RBM34: variants seen among roughly 807,000 people sequenced by gnomAD.
RBM34 encodes the protein RNA binding motif protein 34.
A neutral mutation model predicts 44.6 loss-of-function variants in RBM34; 39 were observed. The ratio of observed to expected loss-of-function variants is 0.87; its 90% confidence interval spans 0.68 to 1.14. RBM34 has a LOEUF of 1.14. Ranked by LOEUF, RBM34 falls within the 50% of genes most tolerant of loss-of-function variation. RBM34 has a pLI of 0.00. For missense variants in RBM34, 572 were observed against 517.9 expected (o/e 1.10, Z -1.01); for synonymous variants, 194 against 184.0 (o/e 1.05, Z -0.44).
At chr1:235,145,966 G>GTTTTTT (rs34111332) in intron 6 of RBM34, among the ~76,000 whole-genome samples, 4 of 77,200 alleles carry the variant, frequency 5.2e-5, no homozygotes, top group Non-Finnish European at 9.2e-5. Flanking sequence ...ATTACAGCAG[G>GTTTTTT]TTTTTTTTTT....
At chr1:235,157,754 G>A (rs1662511776) in intron 3 of RBM34, among the ~76,000 whole-genome samples, 1 of 152,208 alleles carries the variant, frequency 6.6e-6, no homozygotes, top group Admixed American at 6.5e-5. Context: ...TTCTCTCAGA[G>A]AATCCGGTAG....
chr1:235,150,987 G>A (rs914115623), intron 5 of RBM34, among the ~76,000 whole-genome samples: 64 of 152,272 alleles, frequency 4.2e-4, no homozygotes, highest in African/African-American at 1.5e-3. Flanking sequence ...AGGGAAAGAG[G>A]TAAGGGTTCC....
Position 235,155,142 on chromosome 1 carries a change from TA to T in RBM34, c.366-31del, listed in dbSNP as rs746262596. ...TTAAGGCAAAAAATAAAATAAGCAG[TA>T]AGAGTCATGCCAGTTAGGTCTAGTA... On this transcript the variant is annotated intron_variant, in intron 3 of 10. Transcript: ENST00000408888. 7.6e-6 allele frequency: 12 copies of T among 1,571,392 alleles called. No individual in the cohort carries two copies. The Admixed American group carries it at 2.1e-4, about 27-fold the overall frequency.
At chr1:235,155,864 T>TATATATATAC (rs1553275378) in intron 3 of RBM34, among the ~76,000 whole-genome samples, 6 of 81,116 alleles carry the variant, frequency 7.4e-5, no homozygotes, top group Non-Finnish European at 1.0e-4. Flanking sequence ...TATATATATA[T>TATATATATAC]ATACATATAT....
chr1:235,152,480 G>A (rs1662207374), intron 5 of RBM34: 3 of 1,251,732 alleles, frequency 2.4e-6, no homozygotes, highest in African/African-American at 3.1e-5. Flanking sequence ...TACATTGCAG[G>A]CTTTCATAGC....
intron 3 of RBM34, among the ~76,000 whole-genome samples, chr1:235,159,523 T>C (rs112497263): frequency 0.21 from 30,309 of 142,148 alleles, 4,058 homozygotes; most frequent in African/African-American, 0.39. Context: ...ACTCCAGCCT[T>C]GGCGACAGAG....
chr1:235,142,727 A>C (rs890173740), intron 6 of RBM34, among the ~76,000 whole-genome samples: 93 of 150,832 alleles, frequency 6.2e-4, no homozygotes, highest in African/African-American at 2.2e-3. Flanking sequence ...CAGGAGTTCG[A>C]AACCAGCCTG....
intron 5 of RBM34, among the ~76,000 whole-genome samples, chr1:235,152,308 G>C (rs965918355): frequency 6.6e-6 from 1 of 152,126 alleles, no homozygotes; most frequent in Non-Finnish European, 1.5e-5. Context: ...TCTGTGCTCA[G>C]AGAACAAAGA....
intron 7 of RBM34, 61 bp from the exon 8 acceptor site, chr1:235,138,001 T>A: frequency 1.9e-6 from 3 of 1,539,776 alleles, no homozygotes; most frequent in Non-Finnish European, 2.7e-6. Flanking sequence ...TACTAAAACA[T>A]CTATGCTAAA....
chr1:235,154,669 T>C (rs542117719), intron 4 of RBM34, among the ~76,000 whole-genome samples: 110 of 152,314 alleles, frequency 7.2e-4, no homozygotes, highest in African/African-American at 2.6e-3. Flanking sequence ...AGGAGGTCAC[T>C]GCAATATTCA....
At chr1:235,156,716 C>A in intron 3 of RBM34, 1 of 423,580 alleles carries the variant, frequency 2.4e-6, no homozygotes. Flanking sequence ...AAGAGAAGAG[C>A]TAATAAGAAT....
Position 235,160,883 on chromosome 1 carries a change from A to G in RBM34, c.228+10T>C. 1 of 1,613,074 alleles carries G rather than the reference A, an allele frequency of 6.2e-7. No individual in the cohort carries two copies. The highest frequency in any genetic ancestry group is 8.5e-7 in the Non-Finnish European group (1 of 1,179,406). On this transcript the variant is annotated intron_variant, in intron 2 of 10. Coordinates refer to ENST00000408888, the MANE Select transcript of RBM34 (RefSeq NM_015014.4). ...AACGAGCTATTCGGGAAGAAAGCCCAGTGACTTACTTTAGGCACAGGCACG... is the reference window on the plus strand; with the variant it reads ...AACGAGCTATTCGGGAAGAAAGCCCGGTGACTTACTTTAGGCACAGGCACG...
At position 235,158,243 on chromosome 1, in the gene RBM34, C is replaced by A. The variant is rs569725676; in HGVS notation, c.365+2268G>T. Among the ~76,000 whole-genome samples, 30 of 151,860 alleles carry A rather than the reference C, an allele frequency of 2.0e-4. No individual in the cohort carries two copies. The East Asian group carries it at 5.6e-3, about 28-fold the overall frequency. On this transcript the variant is annotated intron_variant, in intron 3 of 10. Coordinates refer to ENST00000408888, the MANE Select transcript of RBM34 (RefSeq NM_015014.4). ...CAGCCTGGCCAACATGGTGAAACCCCATCTCTACCAAAAAAATACAAAAAT... is the reference window on the plus strand; with the variant it reads ...CAGCCTGGCCAACATGGTGAAACCCAATCTCTACCAAAAAAATACAAAAAT...
intron 5 of RBM34, among the ~76,000 whole-genome samples, chr1:235,150,557 A>G (rs1199840245): frequency 6.6e-6 from 1 of 152,190 alleles, no homozygotes; most frequent in Non-Finnish European, 1.5e-5. Context: ...GAAGGATTCC[A>G]GGCAAAACAA....
intron 10 of RBM34, 117 bp from the exon 11 acceptor site, chr1:235,132,114 T>A: frequency 1.1e-6 from 1 of 931,600 alleles, no homozygotes; most frequent in Non-Finnish European, 1.6e-6. Flanking sequence ...ATAAGCCCCA[T>A]CCAATCCCAG....
intron 5 of RBM34, chr1:235,152,399 T>C (rs1046338772): frequency 1.2e-6 from 1 of 859,182 alleles, no homozygotes; most frequent in Non-Finnish European, 1.4e-6. Context: ...ATTCCAGCAA[T>C]GATAATCAGT....
intron 5 of RBM34, among the ~76,000 whole-genome samples, chr1:235,150,865 G>C (rs1420125958): frequency 1.3e-5 from 2 of 152,164 alleles, no homozygotes; most frequent in African/African-American, 4.8e-5. Flanking sequence ...CTAGAGACTG[G>C]GGAGAATCAA....
At chr1:235,141,143 C>T (rs1238217275) in intron 6 of RBM34, among the ~76,000 whole-genome samples, 1 of 151,710 alleles carries the variant, frequency 6.6e-6, no homozygotes, top group African/African-American at 2.4e-5. Flanking sequence ...CCAATCGGCA[C>T]CCTGTGTTTA....
rs780728286 is a variant in RBM34 at position 235,136,014 on chromosome 1, CTTTG to C, written c.889+16_889+19del. ...TATTTATTTAGTAATATTAACTGTA[CTTTG>C]TTTAAACAAACTTACTATAAGGGAG... On this transcript the variant is annotated intron_variant, in intron 9 of 10. Transcript: ENST00000408888. 5 of 1,539,294 alleles carry C rather than the reference CTTTG, an allele frequency of 3.2e-6. No homozygotes were observed. In the South Asian group the frequency reaches 4.6e-5, roughly 14 times the overall value.
Sources: allele counts gnomAD v4.1 joint callset (sites outside exome capture counted in the v4.1 genomes callset), GRCh38; gene constraint gnomAD v4.1.1; transcripts MANE v1.5; gene names NCBI Gene and HGNC (gene_info 2026-07-23, HGNC 2026-07-21).